The following ZNF846 variants were observed in gnomAD, a reference collection of about 807,000 sequenced individuals.
The protein encoded by ZNF846 is zinc finger protein 420 pseudogene.
In ZNF846, 15 loss-of-function variants were observed where a neutral mutation model predicts 16.0. The observed-to-expected ratio is 0.94, with a 90% CI of 0.63 to 1.45. The LOEUF is 1.45. Among genes scored for constraint, ZNF846 ranks in the 40% most tolerant of loss-of-function variants. The probability of loss-of-function intolerance (pLI) is 0.00; values close to 1 mark genes in which losing one functional copy is unlikely to be tolerated. For synonymous variants in ZNF846, 229 were observed against 212.0 expected (o/e 1.08, Z -0.70); for missense variants, 714 against 622.3 (o/e 1.15, Z -1.57).
At chr19:9,785,199 G>T (rs1282181894) in intron 1 of ZNF846, among the ~76,000 whole-genome samples, 2 of 136,008 alleles carry the variant, frequency 1.5e-5, no homozygotes, top group South Asian at 2.5e-4. Context: ...CCTTCACCGA[G>T]ATTTTTTTTT....
At chr19:9,773,617 A>G (rs2045407927), upstream of ZNF846, among the ~76,000 whole-genome samples, 1 of 152,152 alleles carries the variant, frequency 6.6e-6, no homozygotes, top group Non-Finnish European at 1.5e-5. Context: ...TCCCGTCTCT[A>G]TTAAAAATAC....
At chr19:9,770,673 G>C (rs1055470076), upstream of ZNF846, among the ~76,000 whole-genome samples, 1 of 151,866 alleles carries the variant, frequency 6.6e-6, no homozygotes, top group Non-Finnish European at 1.5e-5. Context: ...TTTAAGACCA[G>C]CCTGGCCAAC....
intron 1 of ZNF846, among the ~76,000 whole-genome samples, chr19:9,775,293 G>A (rs941437342): frequency 7.2e-5 from 11 of 151,780 alleles, no homozygotes; most frequent in Non-Finnish European, 1.6e-4. Context: ...TCACATGGGA[G>A]CACAAACGTC....
intron 1 of ZNF846, chr19:9,774,643 G>A: frequency 2.1e-6 from 3 of 1,446,598 alleles, no homozygotes; most frequent in Non-Finnish European, 2.9e-6. Flanking sequence ...ATGATTAGGT[G>A]ACCTTCAGAA....
chr19:9,753,212 G>C (rs1041510888), downstream of ZNF846, among the ~76,000 whole-genome samples: 1 of 138,560 alleles, frequency 7.2e-6, no homozygotes, highest in Admixed American at 7.3e-5. Flanking sequence ...GCAAGTTGAG[G>C]AGACAAAATT....
chr19:9,756,716 T>C (rs1599382357), downstream of ZNF846: 1 of 147,694 alleles, frequency 6.8e-6, no homozygotes, highest in Non-Finnish European at 1.5e-5. Context: ...TAGGGTTTTA[T>C]ACCACTGTGA....
intron 1 of ZNF846, among the ~76,000 whole-genome samples, chr19:9,785,588 A>G (rs1445364160): frequency 7.8e-5 from 4 of 50,988 alleles, no homozygotes; most frequent in African/African-American, 2.4e-4. Flanking sequence ...CCCCGCCCCC[A>G]TCTCTCCCTC....
At chr19:9,775,061 C>T (rs2045425030) in intron 1 of ZNF846, 9 of 1,014,584 alleles carry the variant, frequency 8.9e-6, no homozygotes, top group Non-Finnish European at 1.3e-5. Context: ...CACGTGCCAC[C>T]GCCTGACATT....
intron 3 of ZNF846, among the ~76,000 whole-genome samples, chr19:9,762,936 G>A (rs1447404583): frequency 6.6e-6 from 1 of 152,128 alleles, no homozygotes; most frequent in East Asian, 1.9e-4. Context: ...CCTGAGGTCA[G>A]AGTTTGAGAC....
exon 6 of ZNF846, chr19:9,757,937 T>C: frequency 6.2e-7 from 1 of 1,613,558 alleles, no homozygotes. Flanking sequence ...GTAAAACAAG[T>C]CCTGAGGAAC....
At chr19:9,754,000 C>A (rs1032203044), downstream of ZNF846, among the ~76,000 whole-genome samples, 1 of 151,592 alleles carries the variant, frequency 6.6e-6, no homozygotes, top group African/African-American at 2.4e-5. Flanking sequence ...AATTGTTATG[C>A]AGAATTGTCT....
downstream of ZNF846, among the ~76,000 whole-genome samples, chr19:9,748,930 C>T (rs1426335061): frequency 6.6e-6 from 1 of 152,150 alleles, no homozygotes; most frequent in Admixed American, 6.5e-5. Flanking sequence ...ACTCCAGATT[C>T]CCAGCCATAT....
intron 1 of ZNF846, among the ~76,000 whole-genome samples, chr19:9,777,170 C>T (rs1181202565): frequency 2.0e-5 from 3 of 151,360 alleles, no homozygotes; most frequent in Non-Finnish European, 2.9e-5. Flanking sequence ...CACACACACA[C>T]ACACACAATT....
At chr19:9,774,568 C>T (rs1394980921) in intron 1 of ZNF846, 2 of 1,502,966 alleles carry the variant, frequency 1.3e-6, no homozygotes, top group Admixed American at 1.7e-5. Context: ...CTTCCCGTAA[C>T]ATCCAGGTTG....
intron 4 of ZNF846, among the ~76,000 whole-genome samples, chr19:9,761,240 A>G (rs1233290395): frequency 6.6e-6 from 1 of 152,146 alleles, no homozygotes; most frequent in Non-Finnish European, 1.5e-5. Context: ...TTGAAACTAA[A>G]AAGAGCTGAT....
intron 4 of ZNF846, among the ~76,000 whole-genome samples, chr19:9,760,518 T>G (rs950497604): frequency 2.0e-5 from 3 of 150,720 alleles, no homozygotes; most frequent in Admixed American, 2.0e-4. Context: ...CCGGCCAACA[T>G]GGTGAAGTGC....
At chr19:9,770,241 C>T (rs534247309), upstream of ZNF846, among the ~76,000 whole-genome samples, 15 of 151,802 alleles carry the variant, frequency 9.9e-5, no homozygotes, top group African/African-American at 3.1e-4. Flanking sequence ...TCTGCTCATC[C>T]AGCCCCACCC....
chr19:9,776,636 C>T (rs73507215), intron 1 of ZNF846, among the ~76,000 whole-genome samples: 16,644 of 152,232 alleles, frequency 0.11, 1,293 homozygotes, highest in African/African-American at 0.21. Flanking sequence ...TACCGGTCTC[C>T]GTGCATTGGG....
intron 1 of ZNF846, chr19:9,774,406 T>G: frequency 1.7e-6 from 1 of 589,102 alleles, no homozygotes; most frequent in South Asian, 1.9e-5. Context: ...AGGTGGAGCT[T>G]GCAGTGAACT....
Sources: gnomAD v4.1 joint callset for allele counts (sites outside exome capture counted in the v4.1 genomes callset) on GRCh38, gnomAD v4.1.1 for gene constraint, MANE v1.5 for transcripts, NCBI Gene and HGNC (gene_info 2026-07-23, HGNC 2026-07-21) for gene names.